Variants in BAZ1B observed in about 807,000 individuals in gnomAD.
BAZ1B encodes tyrosine-protein kinase BAZ1B.
In BAZ1B, 22 loss-of-function variants were observed where a neutral mutation model predicts 153.8. The ratio of observed to expected loss-of-function variants is 0.14; its 90% CI spans 0.10 to 0.20. The LOEUF (loss-of-function observed/expected upper bound fraction) is 0.20, where lower values mean the gene tolerates loss of function less well. BAZ1B is among the 10% of genes least tolerant of loss of function. The pLI is 1.00. For missense variants in BAZ1B, 1,325 were observed against 1,799.3 expected, an observed-to-expected ratio of 0.74 and a Z score of 4.77; for synonymous variants, 676 against 633.4, an observed-to-expected ratio of 1.07 and a Z score of -1.01.
chr7:73,514,669 G>A (rs1790723071), intron 1 of BAZ1B, among the ~76,000 whole-genome samples: 1 of 152,104 alleles, frequency 6.6e-6, no homozygotes, highest in East Asian at 1.9e-4. Flanking sequence ...AGTTGAATGT[G>A]GTGGCACAGG....
In BAZ1B at chr7:73,447,340, ATCT is replaced by A. The variant is rs781842322; in HGVS notation, c.3765_3767del (p.Glu1255del). The A allele has an allele frequency of 6.2e-7, 1 of 1,613,284 alleles. No homozygotes were observed. Among genetic ancestry groups the A allele is most frequent in the East Asian group, 2.2e-5 (1 of 44,870 alleles). On this transcript the variant is annotated inframe_deletion, in exon 16 of 20. Transcript: ENST00000339594. ...CCTCCTCCTCTTCATCACTCTCATCATCTTCACTGTCCTCAGAAGCAGACTCTT... is the reference window on the plus strand; with the variant it reads ...CCTCCTCCTCTTCATCACTCTCATCATCACTGTCCTCAGAAGCAGACTCTT...
At chr7:73,521,695 G>A in intron 1 of BAZ1B, 132 bp downstream of exon 1, 1 of 639,196 alleles carries the variant, frequency 1.6e-6, no homozygotes, top group Non-Finnish European at 2.3e-6. Context: ...CAGCCTCCAG[G>A]CCCGCGAGCG....
In BAZ1B at chr7:73,447,266, C is replaced by G. The variant is rs782401556; in HGVS notation, c.3842G>C (p.Arg1281Pro). 3.7e-6 allele frequency: 6 copies of G among 1,613,762 alleles called. No individual in the cohort carries two copies. Among genetic ancestry groups the G allele is most frequent in the Non-Finnish European group, 5.1e-6 (6 of 1,179,926 alleles). The change falls in exon 16 of 20, where the codon CGA becomes CCA. Residue 1281 changes from arginine (R) to proline (P), a missense_variant and splice_region_variant. Around this residue, in one of 9 missense-constraint regions of BAZ1B, gnomAD observed 271 missense variants for 337.2 expected, o/e 0.80. Coordinates refer to ENST00000339594, the MANE Select transcript of BAZ1B (RefSeq NM_032408.4). ...ACAAAGGCAGACAAAATACTTACAT[C>G]GCAAACCAGCCACCTCATAATCTTC... ...EEEDYEVAGL[R>P]LRPRKTIRGK...
intron 1 of BAZ1B, among the ~76,000 whole-genome samples, chr7:73,511,490 C>T (rs1790578136): frequency 6.6e-6 from 1 of 151,606 alleles, no homozygotes; most frequent in Non-Finnish European, 1.5e-5. Context: ...ATGATGAGAC[C>T]TCATCTCTAC....
chr7:73,503,829 G>C (rs1421400903), intron 3 of BAZ1B, among the ~76,000 whole-genome samples: 1 of 152,024 alleles, frequency 6.6e-6, no homozygotes, highest in Non-Finnish European at 1.5e-5. Context: ...TTGCCCTCTA[G>C]ATTCTGGTGA....
In BAZ1B at chr7:73,478,441, T is replaced by C; in HGVS notation, c.1020A>G (p.Val340=). The C allele has an allele frequency of 6.2e-7, 1 of 1,613,126 alleles. No homozygotes were observed. Among genetic ancestry groups the C allele is most frequent in the Non-Finnish European group, 8.5e-7 (1 of 1,179,620 alleles). Residue 340 remains valine, a synonymous_variant, in exon 7 of 20, where the codon GTA becomes GTG. Transcript: ENST00000339594. ...SPLNPKLWCH[V]HLKKSLSGSP... Reference sequence around the variant, plus strand: ...AGCCACTCAATGACTTCTTCAAGTGTACGTGACACCATAACTTAGGATTTA... The same window carrying C: ...AGCCACTCAATGACTTCTTCAAGTGCACGTGACACCATAACTTAGGATTTA...
chr7:73,473,531 C>T lies in BAZ1B; in HGVS notation c.2594-3048G>A, dbSNP rs562062228. Among the ~76,000 whole-genome samples the T allele has an allele frequency of 4.6e-5, 7 of 151,968 alleles. No homozygotes were observed. The South Asian group carries it at 1.0e-3, about 23-fold the overall frequency. ...TCGCACCATTGCACTCCAGCCTGAG[C>T]GACAGAGCGACGCTCTGTATCCAAA... On this transcript the variant is annotated intron_variant, in intron 7 of 19. Coordinates refer to ENST00000339594, the MANE Select transcript of BAZ1B (RefSeq NM_032408.4).
chr7:73,487,352 C>A (rs1789450980), intron 6 of BAZ1B, among the ~76,000 whole-genome samples: 1 of 152,038 alleles, frequency 6.6e-6, no homozygotes, highest in Non-Finnish European at 1.5e-5. Context: ...TCACTTGAGC[C>A]CAGAAATTTC....
chr7:73,475,706 G>A (rs955034038), intron 7 of BAZ1B, among the ~76,000 whole-genome samples: 5 of 152,126 alleles, frequency 3.3e-5, no homozygotes, highest in Non-Finnish European at 7.4e-5. Flanking sequence ...AGACTGAGGC[G>A]GGTGGATCAG....
chr7:73,449,298 G>GAA (rs1554567477), intron 15 of BAZ1B, among the ~76,000 whole-genome samples: 1 of 152,152 alleles, frequency 6.6e-6, no homozygotes, highest in African/African-American at 2.4e-5. Context: ...CATTACTTGA[G>GAA]AAGAAGGTAT....
Position 73,442,370 on chromosome 7 carries a change from T to C in BAZ1B, c.4278A>G (p.Leu1426=). ...EVYNCRGSHV[L]SCMVKTEQCL... is the part of the protein sequence containing the mutation. ...ACTGTTCTGTCTTCACCATGCAGCT[T>C]AGCACATGGCTGCCACGGCAGTTGT... The change falls in exon 19 of 20, where the codon CTA becomes CTG. Residue 1426 remains leucine, a synonymous_variant. Coordinates refer to ENST00000339594, the MANE Select transcript of BAZ1B (RefSeq NM_032408.4). The C allele has an allele frequency of 3.1e-6, 5 of 1,614,238 alleles. 1 individual carries two copies. The highest frequency in any genetic ancestry group is 4.2e-6 in the Non-Finnish European group (5 of 1,180,042).
intron 13 of BAZ1B, among the ~76,000 whole-genome samples, chr7:73,456,918 G>A (rs1435175138): frequency 2.7e-5 from 3 of 111,040 alleles, no homozygotes; most frequent in East Asian, 3.1e-4. Context: ...CTCCGGCCTC[G>A]GCGACAGAGA....
rs373312308 is a variant in BAZ1B at position 73,498,468 on chromosome 7, A to C, written c.571+29T>G. 6.2e-4 allele frequency: 988 copies of C among 1,594,412 alleles called. 2 individuals are homozygous for C. Among genetic ancestry groups the C allele is most frequent in the Middle Eastern group, 6.1e-3 (36 of 5,896 alleles). ...AATAAAATAAACAGGATCTCATAAA[A>C]CACTAAGGAAAGCTAATATCAAACA... On this transcript the variant is annotated intron_variant, in intron 4 of 19. Transcript: ENST00000339594.
intron 7 of BAZ1B, among the ~76,000 whole-genome samples, chr7:73,472,091 T>C (rs1374900754): frequency 6.6e-6 from 1 of 152,218 alleles, no homozygotes; most frequent in Non-Finnish European, 1.5e-5. Flanking sequence ...CTGTCTCTTG[T>C]TTCCATACAA....
At position 73,503,784 on chromosome 7, in the gene BAZ1B, T is replaced by C. The variant is rs944327579; in HGVS notation, c.369+4543A>G. The stretch of plus-strand genomic sequence containing the variant: ...TTCTCTACCTGGCTCTATGCTTAAA[T>C]AGGCTGACCTTTACAGCCTCCACCA... On this transcript the variant is annotated intron_variant, in intron 3 of 19. Coordinates refer to ENST00000339594, the MANE Select transcript of BAZ1B (RefSeq NM_032408.4). 3.9e-5 allele frequency among the ~76,000 whole-genome samples: 6 copies of C among 152,214 alleles called. No homozygotes were observed. In the East Asian group the frequency reaches 7.7e-4, roughly 20 times the overall value.
At chr7:73,468,092 A>G (rs1788662644) in intron 9 of BAZ1B, among the ~76,000 whole-genome samples, 1 of 152,258 alleles carries the variant, frequency 6.6e-6, no homozygotes, top group African/African-American at 2.4e-5. Flanking sequence ...TTTTTAAAAA[A>G]TAAAGATTTA....
At position 73,463,077 on chromosome 7, in the gene BAZ1B, T is replaced by A. The variant is rs369975146; in HGVS notation, c.3094A>T (p.Ile1032Phe). ...EKRYQDIIHS[I>F]HLARKPNLGL... ...AAATTTGGCTTCCGTGCTAGATGAA[T>A]AGAGTGAATAATGTCCTGGTACCTA... is the stretch of plus-strand genomic sequence containing the variant. Residue 1032 changes from isoleucine (I) to phenylalanine (F), a missense_variant, in exon 12 of 20, where the codon ATT becomes TTT. Ile to Phe is a conservative substitution (Grantham distance 21, BLOSUM62 0). This residue lies in a region of BAZ1B where 431 missense variants were observed against 563.5 expected (regional missense o/e 0.76). Coordinates refer to ENST00000339594, the MANE Select transcript of BAZ1B (RefSeq NM_032408.4). 3.1e-6 allele frequency: 5 copies of A among 1,613,714 alleles called. No individual in the cohort carries two copies. The highest frequency in any genetic ancestry group is 4.2e-6 in the Non-Finnish European group (5 of 1,179,848).
At chr7:73,493,313 A>G (rs782604863) in intron 4 of BAZ1B, among the ~76,000 whole-genome samples, 5 of 151,506 alleles carry the variant, frequency 3.3e-5, no homozygotes, top group Non-Finnish European at 5.9e-5. Flanking sequence ...ATACAAAATT[A>G]GCCGGGCTTG....
chr7:73,442,136 T>TAGCA, intron 19 of BAZ1B, 45 bp downstream of exon 19: 1 of 573,492 alleles, frequency 1.7e-6, no homozygotes, highest in Non-Finnish European at 3.2e-6. Context: ...CTCGCTCGCC[T>TAGCA]CCCTCCCACC....
Sources: gnomAD v4.1 joint callset for allele counts (sites outside exome capture counted in the v4.1 genomes callset) on GRCh38, gnomAD v4.1.1 for gene constraint, gnomAD v4.1.1 regional missense constraint, MANE v1.5 for transcripts, NCBI Gene and HGNC (gene_info 2026-07-23, HGNC 2026-07-21) for gene names.